Variants in PLCL2 observed in about 807,000 individuals in gnomAD.
PLCL2 encodes the protein phospholipase C like 2, also known as inactive phospholipase C-like protein 2.
A neutral mutation model predicts 79.6 loss-of-function variants in PLCL2; 4 were observed. The ratio of observed to expected loss-of-function variants is 0.05; its 90% confidence interval spans 0.02 to 0.11. The LOEUF (loss-of-function observed/expected upper bound fraction) is 0.11. Ranked by LOEUF, PLCL2 falls within the 10% of genes least tolerant of loss-of-function variation. PLCL2 has a pLI of 1.00. For synonymous variants in PLCL2, 484 were observed against 457.7 expected, an observed-to-expected ratio of 1.06 and a Z score of -0.73; for missense variants, 895 against 1,291.0, an observed-to-expected ratio of 0.69 and a Z score of 4.70.
chr3:17,061,904 G>A lies in PLCL2; in HGVS notation c.3095-6052G>A, dbSNP rs1265311200. Among the ~76,000 whole-genome samples the A allele has an allele frequency of 2.6e-5, 4 of 152,040 alleles. No individual in the cohort carries two copies. In the East Asian group the frequency reaches 7.7e-4, roughly 29 times the overall value. On this transcript the variant is annotated intron_variant, in intron 4 of 5. Transcript: ENST00000615277. ...TAAACTCTCATTGACATCACCTAAG[G>A]ATTTTCCATGTGTCCTTTCTCTGCT...
chr3:17,089,025 C>T (rs1388774821), intron 5 of PLCL2, among the ~76,000 whole-genome samples: 1 of 152,198 alleles, frequency 6.6e-6, no homozygotes, highest in South Asian at 2.1e-4. Flanking sequence ...GGACCTGCTG[C>T]GTGCCCACGG....
In PLCL2 at chr3:17,043,089, A is replaced by G. The variant is rs2064743078; in HGVS notation, c.3094+140A>G. The G allele has an allele frequency of 1.5e-5, 9 of 612,450 alleles. 1 individual carries two copies. Among genetic ancestry groups the G allele is most frequent in the Non-Finnish European group, 2.6e-5 (9 of 341,094 alleles). The allele number at this position is 612,450 out of a possible 1,614,324, so 37.9% of individuals were successfully genotyped here. On this transcript the variant is annotated intron_variant, in intron 4 of 5. Transcript: ENST00000615277. ...TTTTCTATGGCTAAAGAAAATACCAATTCAGTGGTTCTCAGCCTTGGGTAA... is the reference window on the plus strand; with the variant it reads ...TTTTCTATGGCTAAAGAAAATACCAGTTCAGTGGTTCTCAGCCTTGGGTAA...
chr3:16,888,783 G>C (rs1001321076), intron 1 of PLCL2, among the ~76,000 whole-genome samples: 6 of 152,304 alleles, frequency 3.9e-5, no homozygotes, highest in African/African-American at 1.2e-4. Context: ...TTTAAGTTTA[G>C]AAAGAAATGA....
chr3:16,885,327 C>G lies in PLCL2; in HGVS notation c.288C>G (p.Ser96Arg). The change falls in exon 1 of 6, where the codon AGC (serine) becomes AGG (arginine). Residue 96 changes from serine to arginine, a missense_variant. Physicochemically the swap from Ser to Arg is moderately radical, Grantham distance 110. This residue lies in a region of PLCL2 where 110 missense variants were observed against 42.9 expected (regional missense o/e 2.56). Coordinates refer to ENST00000615277, the MANE Select transcript of PLCL2 (RefSeq NM_001144382.2). ...SAVVCTLPRE[S>R]KPGGLPRRSS... ...TCGTCTGTACCCTCCCCCGGGAGAGCAAGCCGGGCGGCCTGCCCCGCCGGA... is the reference window on the plus strand; with the variant it reads ...TCGTCTGTACCCTCCCCCGGGAGAGGAAGCCGGGCGGCCTGCCCCGCCGGA... 1 of 659,856 alleles carries G rather than the reference C, an allele frequency of 1.5e-6. No homozygotes were observed. The highest frequency in any genetic ancestry group is 2.7e-6 in the Non-Finnish European group (1 of 365,180). The allele number at this position is 659,856 out of a possible 1,614,324, so 40.9% of individuals were successfully genotyped here. A position where few individuals can be genotyped will look rare whatever the true frequency, so the allele number is the denominator to read the frequency against.
At chr3:16,943,696 CAG>C (rs1575543319) in intron 1 of PLCL2, among the ~76,000 whole-genome samples, 1 of 152,150 alleles carries the variant, frequency 6.6e-6, no homozygotes, top group Admixed American at 6.5e-5. Flanking sequence ...AAAAATATAA[CAG>C]ATATCCATCC....
chr3:17,015,208 C>T (rs1280651203), intron 3 of PLCL2, among the ~76,000 whole-genome samples: 19 of 152,130 alleles, frequency 1.2e-4, no homozygotes, highest in African/African-American at 4.8e-5. Flanking sequence ...GATGTAGGAA[C>T]GAGTTTTTAA....
At chr3:16,907,423 T>C (rs1696776540) in intron 1 of PLCL2, among the ~76,000 whole-genome samples, 1 of 152,212 alleles carries the variant, frequency 6.6e-6, no homozygotes, top group Non-Finnish European at 1.5e-5. Flanking sequence ...AGCCCAGTGA[T>C]ACCAGTGTTG....
At chr3:17,032,405 T>C (rs2064593366) in intron 3 of PLCL2, among the ~76,000 whole-genome samples, 1 of 152,178 alleles carries the variant, frequency 6.6e-6, no homozygotes, top group South Asian at 2.1e-4. Context: ...GCACAGTTTT[T>C]GGTGACATAA....
intron 4 of PLCL2, among the ~76,000 whole-genome samples, chr3:17,053,841 G>A (rs1288981932): frequency 6.6e-6 from 1 of 152,182 alleles, no homozygotes; most frequent in Non-Finnish European, 1.5e-5. Context: ...TAGGCCTCAG[G>A]TCTGTGATAG....
chr3:17,066,681 GTC>G (rs1276028473), intron 4 of PLCL2, among the ~76,000 whole-genome samples: 1 of 152,196 alleles, frequency 6.6e-6, no homozygotes, highest in East Asian at 1.9e-4. Context: ...ACACATTGGA[GTC>G]TCTGTAGCTG....
chr3:17,010,423 T>A lies in PLCL2; in HGVS notation c.1077T>A (p.Asp359Glu). The A allele has an allele frequency of 1.9e-6, 3 of 1,613,902 alleles. No individual in the cohort carries two copies. Among genetic ancestry groups the A allele is most frequent in the Non-Finnish European group, 2.5e-6 (3 of 1,179,884 alleles). ...TTTCAAGCAATAAAGAATTCCTTGA[T>A]ACCAAGGACCTTATGATGTTTCTTG... ...VQFSSNKEFLDTKDLMMFLEA... is the reference protein window; with the variant it reads ...VQFSSNKEFLETKDLMMFLEA... The change falls in exon 2 of 6, where the codon GAT (aspartate) becomes GAA (glutamate). Residue 359 changes from aspartate to glutamate, a missense_variant. Physicochemically the swap from Asp to Glu is conservative, Grantham distance 45 (BLOSUM62 2). Coordinates refer to ENST00000615277, the MANE Select transcript of PLCL2 (RefSeq NM_001144382.2). This position sits in a 1 kb window ranked among gnomAD's most constrained non-coding sequence, Gnocchi z 5.8.
At chr3:17,060,378 A>G (rs1175172233) in intron 4 of PLCL2, among the ~76,000 whole-genome samples, 1 of 152,210 alleles carries the variant, frequency 6.6e-6, no homozygotes, top group Non-Finnish European at 1.5e-5. Flanking sequence ...ATGGGATTTA[A>G]CAGTTCAAAA....
intron 1 of PLCL2, among the ~76,000 whole-genome samples, chr3:16,970,282 A>G (rs895965057): frequency 1.2e-4 from 18 of 151,610 alleles, no homozygotes; most frequent in African/African-American, 3.4e-4. Context: ...TCATTGTTCA[A>G]TTCCCACCAA....
chr3:16,999,733 A>G (rs2064188127), intron 1 of PLCL2, among the ~76,000 whole-genome samples: 1 of 152,202 alleles, frequency 6.6e-6, no homozygotes, highest in South Asian at 2.1e-4. Context: ...GGTATAAAGA[A>G]AACCATTTCA....
intron 1 of PLCL2, among the ~76,000 whole-genome samples, chr3:16,908,400 T>G (rs985223462): frequency 1.2e-4 from 19 of 152,194 alleles, no homozygotes; most frequent in African/African-American, 4.3e-4. Flanking sequence ...TTAAAAAAAT[T>G]AGTTTGTTTA....
intron 1 of PLCL2, among the ~76,000 whole-genome samples, chr3:16,909,733 G>A (rs779276674): frequency 3.9e-5 from 6 of 152,150 alleles, no homozygotes; most frequent in Admixed American, 2.0e-4. Flanking sequence ...AAGCCAGAGA[G>A]ATATCAAAAA....
intron 4 of PLCL2, among the ~76,000 whole-genome samples, chr3:17,060,963 C>G (rs1333469233): frequency 6.6e-6 from 1 of 152,068 alleles, no homozygotes; most frequent in Non-Finnish European, 1.5e-5. Context: ...GAGAAAAGAG[C>G]TTTTTGGGAC....
At chr3:17,060,925 C>T (rs909767689) in intron 4 of PLCL2, among the ~76,000 whole-genome samples, 1 of 152,016 alleles carries the variant, frequency 6.6e-6, no homozygotes, top group African/African-American at 2.4e-5. Flanking sequence ...AATCTATACA[C>T]AAAAATTTTT....
At chr3:17,075,931 C>T (rs907445734) in intron 5 of PLCL2, among the ~76,000 whole-genome samples, 4 of 152,198 alleles carry the variant, frequency 2.6e-5, no homozygotes, top group African/African-American at 7.2e-5. Context: ...AATTTATGGA[C>T]ATTTGTGTTG....
Sources: allele counts gnomAD v4.1 joint callset (sites outside exome capture counted in the v4.1 genomes callset), GRCh38; gene constraint gnomAD v4.1.1; regional missense constraint gnomAD v4.1.1; non-coding constraint Gnocchi (gnomAD v3.1); transcripts MANE v1.5; gene names NCBI Gene and HGNC (gene_info 2026-07-23, HGNC 2026-07-21).